CELSR1: variants seen among roughly 807,000 people sequenced by gnomAD.
The protein encoded by CELSR1 is adhesion G protein-coupled receptor C1.
CELSR1 carries 110 observed loss-of-function variants against 249.1 expected under a neutral mutation model. The observed-to-expected ratio is 0.44, with a 90% CI of 0.38 to 0.52. The LOEUF (loss-of-function observed/expected upper bound fraction) is 0.52. CELSR1 is among the 20% of genes least tolerant of loss of function. CELSR1 has a pLI of 0.00. For missense variants in CELSR1, 4,109 were observed against 4,296.4 expected (o/e 0.96, Z 1.22); for synonymous variants, 2,113 against 1,900.0 (o/e 1.11, Z -2.92).
At chr22:46,450,104 A>G (rs2079866557) in intron 2 of CELSR1, among the ~76,000 whole-genome samples, 1 of 152,198 alleles carries the variant, frequency 6.6e-6, no homozygotes, top group South Asian at 2.1e-4. Flanking sequence ...TAGGAGCTGC[A>G]CAGAAAAGCC....
chr22:46,459,872 A>G (rs967306140), intron 2 of CELSR1, among the ~76,000 whole-genome samples: 1 of 152,122 alleles, frequency 6.6e-6, no homozygotes, highest in African/African-American at 2.4e-5. Flanking sequence ...GTGTAGAATC[A>G]TCTAGAGCAG....
intron 5 of CELSR1, among the ~76,000 whole-genome samples, chr22:46,419,888 TTC>T (rs1016759874): frequency 1.3e-5 from 2 of 150,094 alleles, no homozygotes; most frequent in African/African-American, 4.9e-5. Flanking sequence ...CACACGTGCC[TTC>T]TCACATTCAT....
chr22:46,487,175 A>G (rs988778011), intron 1 of CELSR1, among the ~76,000 whole-genome samples: 3 of 152,096 alleles, frequency 2.0e-5, no homozygotes, highest in East Asian at 1.9e-4. Flanking sequence ...ATATCCTGCT[A>G]TTGCATGATT....
Position 46,500,348 on chromosome 22 carries a change from G to A in CELSR1, c.3544+33279C>T, listed in dbSNP as rs1033838707. Among the ~76,000 whole-genome samples, 1 of 152,166 alleles carries A rather than the reference G, an allele frequency of 6.6e-6. No homozygotes were observed. Among genetic ancestry groups the A allele is most frequent in the South Asian group, 2.1e-4 (1 of 4,832 alleles). On this transcript the variant is annotated intron_variant, in intron 1 of 34. Transcript: ENST00000674500. The surrounding 1 kb of genome is among the most constrained non-coding windows in gnomAD (Gnocchi z 4.9). Reference sequence around the variant, plus strand: ...TGGAGATGACCTTTTATATGGAGCCGCTGACAGCCCCCTCCCCCATGGCGC... The same window carrying A: ...TGGAGATGACCTTTTATATGGAGCCACTGACAGCCCCCTCCCCCATGGCGC...
chr22:46,361,301 A>G lies in CELSR1; in HGVS notation c.*1922T>C, dbSNP rs1344170487. The G allele has an allele frequency of 6.6e-6, 1 of 152,618 alleles. No homozygotes were observed. The highest frequency in any genetic ancestry group is 2.4e-5 in the African/African-American group (1 of 41,474). The allele number at this position is 152,618 out of a possible 1,614,324, so 9.5% of individuals were successfully genotyped here. On this transcript the variant is annotated 3_prime_UTR_variant, in exon 35 of 35. Coordinates refer to ENST00000674500, the MANE Select transcript of CELSR1 (RefSeq NM_001378328.1). ...AATCTCTCCCATAAAGTCTTAAGTA[A>G]TAAAAATAGGTTTACATTTTTCCCA... is the stretch of plus-strand genomic sequence containing the variant.
chr22:46,475,232 A>ACATTATTATTAC (rs1328119876), intron 1 of CELSR1, among the ~76,000 whole-genome samples: 1 of 152,132 alleles, frequency 6.6e-6, no homozygotes, highest in Non-Finnish European at 1.5e-5. Flanking sequence ...TAAACATTAC[A>ACATTATTATTAC]CATTATTATT....
chr22:46,389,263 GAGC>G, intron 18 of CELSR1, 24 bp downstream of exon 18: 7 of 1,599,502 alleles, frequency 4.4e-6, no homozygotes, highest in Non-Finnish European at 5.9e-6. Flanking sequence ...GAGTGTCCCC[GAGC>G]CAGGGTGGCG....
chr22:46,514,341 T>C (rs1349587847), intron 1 of CELSR1, among the ~76,000 whole-genome samples: 1 of 152,100 alleles, frequency 6.6e-6, no homozygotes, highest in East Asian at 1.9e-4. Flanking sequence ...AAGCCACACC[T>C]CAACTGCGGG....
chr22:46,409,017 CCCA>C lies in CELSR1; in HGVS notation c.5202_5204del (p.Gly1735del), dbSNP rs779910803. On this transcript the variant is annotated inframe_deletion, in exon 9 of 35. Coordinates refer to ENST00000674500, the MANE Select transcript of CELSR1 (RefSeq NM_001378328.1). This position sits in a 1 kb window ranked among gnomAD's most constrained non-coding sequence, Gnocchi z 9.8. ...TCACCTGGAGGCGAAAGCTGGTGGG[CCCA>C]CCACTGGTGGCCTCCATCAGAACGC... The C allele has an allele frequency of 5.0e-6, 8 of 1,610,524 alleles. No individual in the cohort carries two copies. In the East Asian group the frequency reaches 1.8e-4, roughly 36 times the overall value.
intron 2 of CELSR1, among the ~76,000 whole-genome samples, chr22:46,453,945 G>A (rs1385938874): frequency 3.3e-5 from 5 of 152,174 alleles, no homozygotes; most frequent in Non-Finnish European, 7.3e-5. Context: ...GACCCCAAAA[G>A]GCGTCCACAT....
chr22:46,397,699 C>T lies in CELSR1; in HGVS notation c.5676G>A (p.Glu1892=). 6.4e-7 allele frequency: 1 copy of T among 1,557,894 alleles called. No homozygotes were observed. The highest frequency in any genetic ancestry group is 1.2e-5 in the South Asian group (1 of 83,438). Residue 1892 remains glutamate (E), a synonymous_variant, in exon 12 of 35, where the codon GAG becomes GAA. Coordinates refer to ENST00000674500, the MANE Select transcript of CELSR1 (RefSeq NM_001378328.1). The part of the protein sequence containing the change: ...PPNSRCHDAW[E]DYSCVCDKGY... ...CTTTGTCACAGACGCAGCTGTAGTC[C>T]TCCCAGGCGTCGTGGCAGCGGCTAT...
Position 46,484,508 on chromosome 22 carries a change from G to A in CELSR1, c.3545-20163C>T, listed in dbSNP as rs2080295964. Among the ~76,000 whole-genome samples the A allele has an allele frequency of 1.3e-5, 2 of 151,488 alleles. No individual in the cohort carries two copies. The highest frequency in any genetic ancestry group is 2.4e-5 in the African/African-American group (1 of 41,226). On this transcript the variant is annotated intron_variant, in intron 1 of 34. Coordinates refer to ENST00000674500, the MANE Select transcript of CELSR1 (RefSeq NM_001378328.1). The surrounding 1 kb of genome is among the most constrained non-coding windows in gnomAD (Gnocchi z 4.5). ...TCTTTTGAAATGCAAATACCAGGGA[G>A]AGGCTATATTAAGCCACTGACCCCT...
intron 5 of CELSR1, among the ~76,000 whole-genome samples, chr22:46,415,308 C>A (rs866901560): frequency 1.3e-5 from 2 of 152,108 alleles, no homozygotes; most frequent in African/African-American, 4.8e-5. Context: ...CATCACCACA[C>A]CTGGCTAATT....
At position 46,535,389 on chromosome 22, in the gene CELSR1, A is replaced by G; in HGVS notation, c.1782T>C (p.Ser594=). Residue 594 remains serine (S), a synonymous_variant, in exon 1 of 35, where the codon TCT becomes TCC. Coordinates refer to ENST00000674500, the MANE Select transcript of CELSR1 (RefSeq NM_001378328.1). ...VVHIQAVDAD[S]GENARLHYRL... The stretch of plus-strand genomic sequence containing the variant: ...GATAGTGCAGCCGGGCGTTCTCTCC[A>G]GAGTCCGCGTCCACCGCCTGAATGT... 4 of 1,611,004 alleles carry G rather than the reference A, an allele frequency of 2.5e-6. No individual in the cohort carries two copies. Among genetic ancestry groups the G allele is most frequent in the Non-Finnish European group, 2.5e-6 (3 of 1,179,054 alleles).
At chr22:46,439,682 T>C (rs1228386680) in intron 2 of CELSR1, among the ~76,000 whole-genome samples, 1 of 151,360 alleles carries the variant, frequency 6.6e-6, no homozygotes, top group Non-Finnish European at 1.5e-5. Flanking sequence ...CTCTGTGGGG[T>C]CAAAGAAATG....
rs1277624867 is a variant in CELSR1 at position 46,391,354 on chromosome 22, A to G, written c.6149-67T>C. ...ACACCCACGACCACAAACAGGCACC[A>G]CTGTCTGCATGCGCCTCCCTGCAGG... On this transcript the variant is annotated intron_variant, in intron 15 of 34. Coordinates refer to ENST00000674500, the MANE Select transcript of CELSR1 (RefSeq NM_001378328.1). The surrounding 1 kb of genome is among the most constrained non-coding windows in gnomAD (Gnocchi z 4.3). 2.2e-5 allele frequency: 31 copies of G among 1,408,582 alleles called. No individual in the cohort carries two copies. Among genetic ancestry groups the G allele is most frequent in the Middle Eastern group, 1.8e-4 (1 of 5,666 alleles). 87.3% of individuals were successfully genotyped at this position (1,408,582 alleles called of 1,614,324 possible).
chr22:46,528,319 A>C (rs1217961978), intron 1 of CELSR1, among the ~76,000 whole-genome samples: 1 of 152,074 alleles, frequency 6.6e-6, no homozygotes, highest in Non-Finnish European at 1.5e-5. Flanking sequence ...CTCTCCACCA[A>C]AGTCAACGGC....
Position 46,409,009 on chromosome 22 carries a change from C to G in CELSR1, c.5213G>C (p.Ser1738Thr). ...GGCCCCAGTCACCTGGAGGCGAAAGCTGGTGGGCCCACCACTGGTGGCCTC... is the reference window on the plus strand; with the variant it reads ...GGCCCCAGTCACCTGGAGGCGAAAGGTGGTGGGCCCACCACTGGTGGCCTC... ...LMEATSGGPT[S>T]FRLQILNNYL... The change falls in exon 9 of 35, where the codon AGC becomes ACC. Residue 1738 changes from serine (S) to threonine (T), a missense_variant. Transcript: ENST00000674500. This position sits in a 1 kb window ranked among gnomAD's most constrained non-coding sequence, Gnocchi z 9.8. 6.2e-7 allele frequency: 1 copy of G among 1,608,636 alleles called. No homozygotes were observed. Among genetic ancestry groups the G allele is most frequent in the Middle Eastern group, 1.8e-4 (1 of 5,488 alleles).
intron 2 of CELSR1, among the ~76,000 whole-genome samples, chr22:46,461,138 G>T (rs1047222077): frequency 3.3e-5 from 5 of 152,150 alleles, no homozygotes; most frequent in Admixed American, 2.0e-4. Flanking sequence ...GCAGAAAAAG[G>T]AGCGCTTCAA....
Sources: gnomAD v4.1 joint callset for allele counts (sites outside exome capture counted in the v4.1 genomes callset) on GRCh38, gnomAD v4.1.1 for gene constraint, Gnocchi (gnomAD v3.1) non-coding constraint, MANE v1.5 for transcripts, NCBI Gene and HGNC (gene_info 2026-07-23, HGNC 2026-07-21) for gene names.